Variants in PCSK2 observed in about 807,000 individuals in gnomAD.
PCSK2 encodes the protein proprotein convertase subtilisin/kexin type 2, also known as neuroendocrine convertase 2.
A neutral mutation model predicts 69.7 loss-of-function variants in PCSK2; 14 were observed. That is an observed-to-expected ratio of 0.20 (90% CI 0.13 to 0.31). PCSK2 has a LOEUF of 0.31. PCSK2 is among the 10% of genes least tolerant of loss of function. The pLI is 1.00. For missense variants in PCSK2, 544 were observed against 842.5 expected, an observed-to-expected ratio of 0.65 and a Z score of 4.39; for synonymous variants, 307 against 320.7, an observed-to-expected ratio of 0.96 and a Z score of 0.46.
chr20:17,304,400 A>G (rs1210528568), intron 2 of PCSK2, among the ~76,000 whole-genome samples: 3 of 152,198 alleles, frequency 2.0e-5, no homozygotes, highest in Non-Finnish European at 4.4e-5. Flanking sequence ...GGGGAGATGG[A>G]ATTTCAGCAT....
chr20:17,462,861 A>G (rs1374073767), intron 10 of PCSK2, among the ~76,000 whole-genome samples: 1 of 152,256 alleles, frequency 6.6e-6, no homozygotes, highest in Non-Finnish European at 1.5e-5. Context: ...TTTTTTAATT[A>G]TTTAATAACT....
intron 1 of PCSK2, among the ~76,000 whole-genome samples, chr20:17,232,041 G>T (rs549284916): frequency 1.8e-4 from 27 of 152,246 alleles, no homozygotes; most frequent in African/African-American, 6.5e-4. Flanking sequence ...TTCTTCTGAT[G>T]AACTCAGAGT....
At chr20:17,234,013 C>T (rs1006545397) in intron 1 of PCSK2, among the ~76,000 whole-genome samples, 8 of 152,090 alleles carry the variant, frequency 5.3e-5, no homozygotes, top group Non-Finnish European at 8.8e-5. Context: ...GTCCCTGGTC[C>T]GTGAATTAGA....
intron 2 of PCSK2, among the ~76,000 whole-genome samples, chr20:17,261,609 G>A (rs758547867): frequency 2.2e-4 from 34 of 152,174 alleles, no homozygotes; most frequent in African/African-American, 7.5e-4. Context: ...CATAGAAGCC[G>A]GCACCAAGAC....
intron 8 of PCSK2, among the ~76,000 whole-genome samples, chr20:17,441,468 T>A (rs1246833721): frequency 6.6e-6 from 1 of 152,240 alleles, no homozygotes. Context: ...TATAAGACTG[T>A]ATGCCCCTGT....
At chr20:17,461,932 A>C (rs2033020490) in intron 10 of PCSK2, among the ~76,000 whole-genome samples, 1 of 152,198 alleles carries the variant, frequency 6.6e-6, no homozygotes, top group Admixed American at 6.5e-5. Context: ...CTGTGTACCC[A>C]CAAAAATTAA....
At chr20:17,476,672 C>A (rs769373092) in intron 11 of PCSK2, among the ~76,000 whole-genome samples, 8 of 152,214 alleles carry the variant, frequency 5.3e-5, no homozygotes, top group Non-Finnish European at 1.2e-4. Flanking sequence ...TAGCTCAGAT[C>A]ATGCAAATAC....
intron 6 of PCSK2, among the ~76,000 whole-genome samples, chr20:17,421,369 T>G (rs1271765970): frequency 6.6e-6 from 1 of 152,182 alleles, no homozygotes; most frequent in Non-Finnish European, 1.5e-5. Context: ...CTGCCTGAGC[T>G]ATTCATTTCT....
At chr20:17,419,053 C>G (rs79804961) in intron 6 of PCSK2, among the ~76,000 whole-genome samples, 1 of 152,262 alleles carries the variant, frequency 6.6e-6, no homozygotes, top group East Asian at 1.9e-4. Flanking sequence ...TAAAATGTTC[C>G]CCTTGGTTGG....
intron 4 of PCSK2, among the ~76,000 whole-genome samples, chr20:17,364,609 C>A (rs940413779): frequency 2.0e-5 from 3 of 152,112 alleles, no homozygotes; most frequent in African/African-American, 4.8e-5. Flanking sequence ...ATGGGGGAAC[C>A]CACCCCCATG....
chr20:17,338,175 G>GGT (rs1555789324), intron 2 of PCSK2, among the ~76,000 whole-genome samples: 3 of 145,852 alleles, frequency 2.1e-5, no homozygotes, highest in African/African-American at 7.5e-5. Flanking sequence ...TTTTTTTGGG[G>GGT]GGGGGGGTTG....
chr20:17,432,309 C>G (rs2032384081), intron 7 of PCSK2, among the ~76,000 whole-genome samples: 1 of 152,086 alleles, frequency 6.6e-6, no homozygotes, highest in African/African-American at 2.4e-5. Flanking sequence ...CAAAGATCTT[C>G]TCCTTCATTT....
chr20:17,478,281 A>G (rs902594263), intron 11 of PCSK2, among the ~76,000 whole-genome samples: 2 of 152,224 alleles, frequency 1.3e-5, no homozygotes, highest in Non-Finnish European at 2.9e-5. Flanking sequence ...ACAATTGCTA[A>G]AAGGAACTTA....
intron 2 of PCSK2, among the ~76,000 whole-genome samples, chr20:17,355,452 T>C (rs1352704782): frequency 6.6e-6 from 1 of 152,150 alleles, no homozygotes. Flanking sequence ...AGGCCTCTCG[T>C]TGTGGAACCA....
chr20:17,235,186 G>C (rs1986293280), intron 1 of PCSK2, among the ~76,000 whole-genome samples: 1 of 151,990 alleles, frequency 6.6e-6, no homozygotes, highest in African/African-American at 2.4e-5. Context: ...TTGTTGTGAT[G>C]TGCTGAGATT....
In PCSK2 at chr20:17,450,017, C is replaced by CTTTTTTTTTTT. The variant is rs61156656; in HGVS notation, c.886-3705_886-3695dup. Among the ~76,000 whole-genome samples, 13 of 61,834 alleles carry CTTTTTTTTTTT rather than the reference C, an allele frequency of 2.1e-4. 2 individuals are homozygous for CTTTTTTTTTTT. Among genetic ancestry groups the CTTTTTTTTTTT allele is most frequent in the Non-Finnish European group, 3.7e-4 (13 of 34,974 alleles). The allele number at this position is 61,834 out of a possible 152,430, so 40.6% of individuals were successfully genotyped here. A position where few individuals can be genotyped will look rare whatever the true frequency, so the allele number is the denominator to read the frequency against. On this transcript the variant is annotated intron_variant, in intron 8 of 11. Transcript: ENST00000262545. ...TTTTTAAGTTTGTTGAATTTCTTCC[C>CTTTTTTTTTTT]TTTTTTTTTTTTTTTTTTTTTTTTT...
intron 5 of PCSK2, among the ~76,000 whole-genome samples, chr20:17,396,143 A>G (rs2031506196): frequency 6.6e-6 from 1 of 152,142 alleles, no homozygotes; most frequent in Non-Finnish European, 1.5e-5. Flanking sequence ...TGACAACACA[A>G]ATTTAGACTC....
At chr20:17,392,513 T>C (rs560150618) in intron 5 of PCSK2, among the ~76,000 whole-genome samples, 1 of 152,328 alleles carries the variant, frequency 6.6e-6, no homozygotes, top group South Asian at 2.1e-4. Flanking sequence ...TGGTGCACTG[T>C]TCCATGAGTT....
chr20:17,266,303 G>A (rs1987598663), intron 2 of PCSK2, among the ~76,000 whole-genome samples: 1 of 152,244 alleles, frequency 6.6e-6, no homozygotes, highest in East Asian at 1.9e-4. Flanking sequence ...TCACCTTTCT[G>A]GGGGTGAGCC....
Sources: allele counts gnomAD v4.1 joint callset (sites outside exome capture counted in the v4.1 genomes callset), GRCh38; gene constraint gnomAD v4.1.1; transcripts MANE v1.5; gene names NCBI Gene and HGNC (gene_info 2026-07-23, HGNC 2026-07-21).